RAP1GAP2: variants seen among roughly 807,000 people sequenced by gnomAD.
RAP1GAP2 encodes rap1 GTPase-activating protein 2.
In RAP1GAP2, 27 loss-of-function variants were observed where a neutral mutation model predicts 95.0. The observed-to-expected ratio is 0.28, with a 90% CI of 0.21 to 0.39. The LOEUF (loss-of-function observed/expected upper bound fraction) is 0.39. Among genes scored for constraint, RAP1GAP2 ranks in the 10% least tolerant of loss-of-function variants. RAP1GAP2 has a pLI of 1.00. For missense variants in RAP1GAP2, 771 were observed against 970.0 expected, an observed-to-expected ratio of 0.79 and a Z score of 2.72; for synonymous variants, 373 against 380.9, an observed-to-expected ratio of 0.98 and a Z score of 0.24.
intron 2 of RAP1GAP2, among the ~76,000 whole-genome samples, chr17:2,842,189 C>T (rs1393971743): frequency 1.3e-5 from 2 of 152,104 alleles, no homozygotes; most frequent in Non-Finnish European, 2.9e-5. Context: ...AATATTTGAC[C>T]TCACACCTTT....
At chr17:3,015,105 A>G (rs917921090) in intron 17 of RAP1GAP2, among the ~76,000 whole-genome samples, 3 of 152,196 alleles carry the variant, frequency 2.0e-5, no homozygotes, top group African/African-American at 7.2e-5. Flanking sequence ...CAAAGGGTAC[A>G]TGGCTTTATG....
At chr17:2,999,823 A>G (rs2046092385) in intron 14 of RAP1GAP2, among the ~76,000 whole-genome samples, 1 of 151,840 alleles carries the variant, frequency 6.6e-6, no homozygotes, top group African/African-American at 2.4e-5. Flanking sequence ...AAAACAAAAC[A>G]AGCAACAGAA....
intron 1 of RAP1GAP2, among the ~76,000 whole-genome samples, chr17:2,756,052 G>A (rs968427163): frequency 6.6e-6 from 1 of 152,202 alleles, no homozygotes; most frequent in Non-Finnish European, 1.5e-5. Context: ...CCGCGGGGGC[G>A]CCCTTTCCCT....
intron 14 of RAP1GAP2, among the ~76,000 whole-genome samples, chr17:3,001,573 A>G (rs926215826): frequency 1.2e-4 from 15 of 130,330 alleles, no homozygotes; most frequent in East Asian, 4.5e-4. Context: ...GGCTGAAGTG[A>G]GGCTCGTGGA....
intron 3 of RAP1GAP2, among the ~76,000 whole-genome samples, chr17:2,949,497 T>C (rs1053816766): frequency 3.3e-5 from 5 of 151,278 alleles, no homozygotes; most frequent in African/African-American, 1.2e-4. Context: ...GCCCTGAGCA[T>C]TAACTGAGTG....
At chr17:3,022,819 C>T (rs1041597666) in intron 19 of RAP1GAP2, among the ~76,000 whole-genome samples, 5 of 152,202 alleles carry the variant, frequency 3.3e-5, no homozygotes, top group Non-Finnish European at 7.3e-5. Flanking sequence ...GACAGACCAA[C>T]GTCCTAAAGC....
intron 3 of RAP1GAP2, among the ~76,000 whole-genome samples, chr17:2,922,304 A>T (rs1010362739): frequency 2.7e-4 from 41 of 152,020 alleles, no homozygotes; most frequent in Non-Finnish European, 7.4e-5. Context: ...TTACCTGGTC[A>T]CCTCCCTAGG....
At chr17:2,930,769 T>C (rs578000129) in intron 3 of RAP1GAP2, among the ~76,000 whole-genome samples, 90 of 152,280 alleles carry the variant, frequency 5.9e-4, no homozygotes, top group Admixed American at 9.8e-4. Flanking sequence ...AATTAGAAAC[T>C]GCACGAAACA....
upstream of RAP1GAP2, among the ~76,000 whole-genome samples, chr17:2,792,594 G>A (rs1163340519): frequency 6.6e-6 from 1 of 152,180 alleles, no homozygotes; most frequent in Non-Finnish European, 1.5e-5. Context: ...GGACGTGTGG[G>A]CCCCTGGATC....
intron 17 of RAP1GAP2, among the ~76,000 whole-genome samples, chr17:3,011,712 C>T (rs1050599743): frequency 6.0e-5 from 9 of 151,250 alleles, no homozygotes; most frequent in Middle Eastern, 3.4e-3. Context: ...CTCTGCCTCC[C>T]GGGCTCAAGC....
intron 2 of RAP1GAP2, among the ~76,000 whole-genome samples, chr17:2,822,588 G>A (rs376815437): frequency 4.0e-5 from 6 of 149,948 alleles, no homozygotes; most frequent in African/African-American, 1.2e-4. Context: ...TCACACCACC[G>A]TACTCCGCCT....
In RAP1GAP2 at chr17:2,825,576, G is replaced by A. The variant is rs948597330; in HGVS notation, c.80+25026G>A. 6.6e-6 allele frequency among the ~76,000 whole-genome samples: 1 copy of A among 152,092 alleles called. No homozygotes were observed. Among genetic ancestry groups the A allele is most frequent in the Non-Finnish European group, 1.5e-5 (1 of 68,020 alleles). ...TGCCACTCACTGCTGGGGTTACCTT[G>A]GGCAACCGTCTGAACCTCTCTGAGC... On this transcript the variant is annotated intron_variant, in intron 2 of 24. Coordinates refer to ENST00000254695, the MANE Select transcript of RAP1GAP2 (RefSeq NM_015085.5). This position sits in a 1 kb window ranked among gnomAD's most constrained non-coding sequence, Gnocchi z 4.1.
Position 2,867,229 on chromosome 17 carries a change from A to G in RAP1GAP2, c.81-38055A>G, listed in dbSNP as rs1324612904. On this transcript the variant is annotated intron_variant, in intron 2 of 24. Transcript: ENST00000254695. This position sits in a 1 kb window ranked among gnomAD's most constrained non-coding sequence, Gnocchi z 4.5. ...ATTGGTCATTTAGCTGATTTAGTCA[A>G]GAAACTTTTGGTTTGAAGTGGCAAG... is the stretch of plus-strand genomic sequence containing the variant. Among the ~76,000 whole-genome samples, 1 of 152,206 alleles carries G rather than the reference A, an allele frequency of 6.6e-6. No individual in the cohort carries two copies. The highest frequency in any genetic ancestry group is 1.5e-5 in the Non-Finnish European group (1 of 68,044).
intron 2 of RAP1GAP2, among the ~76,000 whole-genome samples, chr17:2,883,461 A>G (rs2151674443): frequency 6.6e-6 from 1 of 152,186 alleles, no homozygotes; most frequent in Middle Eastern, 3.4e-3. Flanking sequence ...GCAGCCTTTT[A>G]ACGGATGGAT....
chr17:3,007,678 G>C (rs999464983), intron 16 of RAP1GAP2, among the ~76,000 whole-genome samples: 2 of 152,222 alleles, frequency 1.3e-5, no homozygotes, highest in Non-Finnish European at 2.9e-5. Flanking sequence ...GGAGCAGTGG[G>C]GAGTTGGGTG....
intron 3 of RAP1GAP2, among the ~76,000 whole-genome samples, chr17:2,948,300 G>T (rs1293157927): frequency 2.0e-5 from 3 of 152,162 alleles, no homozygotes; most frequent in African/African-American, 7.2e-5. Context: ...AGAAGCAGAG[G>T]AGAGGAGCCC....
rs752391258 is a variant in RAP1GAP2 at position 3,008,830 on chromosome 17, C to T, written c.1494+685C>T. Among the ~76,000 whole-genome samples, 3 of 152,252 alleles carry T rather than the reference C, an allele frequency of 2.0e-5. No individual in the cohort carries two copies. The highest frequency in any genetic ancestry group is 1.9e-4 in the East Asian group (1 of 5,176). ...CAGCACGTAGACCCAGCATCTGGCT[C>T]GAGCCTGGCTGTCAGCCTGTGCAGG... On this transcript the variant is annotated intron_variant, in intron 17 of 24. Transcript: ENST00000254695. This position sits in a 1 kb window ranked among gnomAD's most constrained non-coding sequence, Gnocchi z 4.2.
intron 4 of RAP1GAP2, among the ~76,000 whole-genome samples, chr17:2,961,287 G>T (rs1474476974): frequency 6.6e-6 from 1 of 151,970 alleles, no homozygotes; most frequent in African/African-American, 2.4e-5. Context: ...AGCCAAGGCG[G>T]GTGGATCACC....
intron 4 of RAP1GAP2, 127 bp downstream of exon 4, chr17:2,957,921 C>T (rs2044180998): frequency 1.9e-6 from 2 of 1,038,610 alleles, no homozygotes; most frequent in Non-Finnish European, 2.7e-6. Flanking sequence ...GAGACAATTG[C>T]ATCCCCTTGG....
Sources: gnomAD v4.1 joint callset for allele counts (sites outside exome capture counted in the v4.1 genomes callset) on GRCh38, gnomAD v4.1.1 for gene constraint, Gnocchi (gnomAD v3.1) non-coding constraint, MANE v1.5 for transcripts, NCBI Gene and HGNC (gene_info 2026-07-23, HGNC 2026-07-21) for gene names.